CSMD3: variants seen among roughly 807,000 people sequenced by gnomAD.
CSMD3 encodes the protein CUB and sushi domain-containing protein 3.
Under a neutral mutation model 435.2 loss-of-function variants are expected in CSMD3, and 177 were observed. The ratio of observed to expected loss-of-function variants is 0.41; its 90% CI spans 0.36 to 0.46. The LOEUF is 0.46. Ranked by LOEUF, CSMD3 falls within the 20% of genes least tolerant of loss-of-function variation. The pLI is 0.34. For missense variants in CSMD3, 4,265 were observed against 4,504.6 expected (o/e 0.95, Z 1.52); for synonymous variants, 1,656 against 1,520.5 (o/e 1.09, Z -2.07).
intron 1 of CSMD3, among the ~76,000 whole-genome samples, chr8:113,329,791 A>G (rs1022908832): frequency 2.0e-5 from 3 of 152,298 alleles, no homozygotes; most frequent in African/African-American, 7.2e-5. Flanking sequence ...TTGTAGAATT[A>G]CATGTTTAAA....
intron 16 of CSMD3, among the ~76,000 whole-genome samples, chr8:112,669,712 G>A (rs761078423): frequency 3.9e-5 from 6 of 151,954 alleles, no homozygotes; most frequent in Admixed American, 3.3e-4. Flanking sequence ...TCAGTTCTTC[G>A]ACGTACCATT....
intron 1 of CSMD3, among the ~76,000 whole-genome samples, chr8:113,336,247 A>G (rs2094073892): frequency 6.6e-6 from 1 of 151,418 alleles, no homozygotes; most frequent in Admixed American, 6.6e-5. Context: ...CTTTTCGTAG[A>G]TTTTGATTTG....
chr8:112,662,894 A>ATT (rs1027340744), intron 17 of CSMD3, among the ~76,000 whole-genome samples: 3 of 152,210 alleles, frequency 2.0e-5, no homozygotes, highest in African/African-American at 4.8e-5. Flanking sequence ...AAAAGAAGAC[A>ATT]TTTATGCAGC....
Position 112,862,140 on chromosome 8 carries a change from G to A in CSMD3, c.1634-2874C>T, listed in dbSNP as rs142168574. 8.8e-4 allele frequency among the ~76,000 whole-genome samples: 133 copies of A among 151,880 alleles called. 2 individuals are homozygous for A. In the East Asian group the frequency reaches 0.022, roughly 26 times the overall value. ...AATAAGGCAAAAACATTTATAAAAC[G>A]GCAAGTAACAATCACCTGTAAATAT... On this transcript the variant is annotated intron_variant, in intron 10 of 70. Coordinates refer to ENST00000297405, the MANE Select transcript of CSMD3 (RefSeq NM_198123.2).
chr8:113,032,372 G>T (rs899863986), intron 5 of CSMD3, among the ~76,000 whole-genome samples: 3 of 151,690 alleles, frequency 2.0e-5, no homozygotes, highest in Middle Eastern at 3.4e-3. Context: ...AGATGGAGAT[G>T]AGGAACTGAC....
At chr8:112,536,328 A>G (rs1201519918) in intron 27 of CSMD3, among the ~76,000 whole-genome samples, 2 of 152,182 alleles carry the variant, frequency 1.3e-5, no homozygotes, top group Non-Finnish European at 2.9e-5. Flanking sequence ...ATTTACAAGA[A>G]AAACTAAACA....
At chr8:112,955,675 C>T (rs528708083) in intron 7 of CSMD3, among the ~76,000 whole-genome samples, 1 of 151,916 alleles carries the variant, frequency 6.6e-6, no homozygotes, top group African/African-American at 2.4e-5. Flanking sequence ...CATCACCCTT[C>T]CCTACTTCAA....
chr8:112,319,796 T>C (rs548702604), intron 46 of CSMD3, 105 bp downstream of exon 46: 3 of 818,754 alleles, frequency 3.7e-6, no homozygotes, highest in Non-Finnish European at 2.2e-6. Context: ...ACACAGGGAA[T>C]GAGGGTCTCA....
chr8:112,451,388 A>T (rs1473038582), intron 32 of CSMD3, among the ~76,000 whole-genome samples: 2 of 152,174 alleles, frequency 1.3e-5, no homozygotes, highest in Non-Finnish European at 2.9e-5. Flanking sequence ...AAGAAAAAAT[A>T]ATAGAGCATT....
At chr8:112,699,278 C>T (rs1001525026) in intron 13 of CSMD3, among the ~76,000 whole-genome samples, 1 of 152,082 alleles carries the variant, frequency 6.6e-6, no homozygotes, top group East Asian at 1.9e-4. Context: ...ACGAACCCAC[C>T]AGAAGGAAGA....
chr8:113,434,917 T>A (rs1311351700), intron 1 of CSMD3, among the ~76,000 whole-genome samples: 1 of 151,972 alleles, frequency 6.6e-6, no homozygotes, highest in East Asian at 1.9e-4. Flanking sequence ...GCTCAACAGG[T>A]ATCACATGAA....
chr8:112,646,818 A>C (rs1272807795), intron 19 of CSMD3, among the ~76,000 whole-genome samples: 1 of 152,204 alleles, frequency 6.6e-6, no homozygotes, highest in Non-Finnish European at 1.5e-5. Flanking sequence ...AATAGTGAAG[A>C]AAGAATGTAA....
At chr8:112,697,650 A>G (rs777446489) in intron 13 of CSMD3, among the ~76,000 whole-genome samples, 4 of 152,160 alleles carry the variant, frequency 2.6e-5, no homozygotes, top group Middle Eastern at 3.4e-3. Context: ...TGACAAGTTA[A>G]TGGGTGCAGC....
chr8:113,424,079 A>T (rs1350726445), intron 1 of CSMD3, among the ~76,000 whole-genome samples: 1 of 151,814 alleles, frequency 6.6e-6, no homozygotes, highest in Non-Finnish European at 1.5e-5. Flanking sequence ...GAAAGGGAAT[A>T]AGGAGGTACT....
At chr8:113,099,991 T>C (rs988364995) in intron 4 of CSMD3, among the ~76,000 whole-genome samples, 15 of 152,110 alleles carry the variant, frequency 9.9e-5, no homozygotes, top group Non-Finnish European at 1.9e-4. Flanking sequence ...ATGTGACCGA[T>C]AGCTCCAGAA....
At chr8:112,420,465 T>C (rs113963390) in intron 32 of CSMD3, among the ~76,000 whole-genome samples, 2 of 152,318 alleles carry the variant, frequency 1.3e-5, no homozygotes, top group African/African-American at 4.8e-5. Context: ...CCGATTTCCC[T>C]GATTTTACCC....
chr8:113,187,598 T>A (rs1290455568), intron 3 of CSMD3, among the ~76,000 whole-genome samples: 1 of 152,026 alleles, frequency 6.6e-6, no homozygotes, highest in Admixed American at 6.6e-5. Flanking sequence ...AGTGTACATG[T>A]TTGATTCACA....
At chr8:112,404,537 A>T (rs1424409510) in intron 35 of CSMD3, among the ~76,000 whole-genome samples, 2 of 151,808 alleles carry the variant, frequency 1.3e-5, no homozygotes, top group Non-Finnish European at 2.9e-5. Context: ...AAAAAAAAAA[A>T]ATTACATATC....
chr8:113,129,932 T>C lies in CSMD3; in HGVS notation c.710-30969A>G, dbSNP rs140830539. ...TAATTTTATGTTTTTATTTTACTTA[T>C]ATATGCTAATTTTATGATACTCTGA... is the stretch of plus-strand genomic sequence containing the variant. On this transcript the variant is annotated intron_variant, in intron 4 of 70. Transcript: ENST00000297405. 5.9e-3 allele frequency among the ~76,000 whole-genome samples: 896 copies of C among 152,076 alleles called. 4 individuals carry two copies. Among genetic ancestry groups the C allele is most frequent in the African/African-American group, 0.019 (797 of 41,524 alleles).
Sources: gnomAD v4.1 joint callset for allele counts (sites outside exome capture counted in the v4.1 genomes callset) on GRCh38, gnomAD v4.1.1 for gene constraint, MANE v1.5 for transcripts, NCBI Gene and HGNC (gene_info 2026-07-23, HGNC 2026-07-21) for gene names.